Variants in CNTN4 observed in about 807,000 individuals in gnomAD.
CNTN4 encodes contactin 4.
Under a neutral mutation model 122.5 loss-of-function variants are expected in CNTN4, and 77 were observed. That is an observed-to-expected ratio of 0.63 (90% confidence interval 0.52 to 0.76). The LOEUF is 0.76. Among genes scored for constraint, CNTN4 ranks in the 30% least tolerant of loss-of-function variants. CNTN4 has a pLI of 0.00. For missense variants in CNTN4, 1,256 were observed against 1,259.1 expected, an observed-to-expected ratio of 1.00 and a Z score of 0.04; for synonymous variants, 512 against 447.0, an observed-to-expected ratio of 1.15 and a Z score of -1.83.
chr3:2,485,327 C>T (rs904619964), intron 3 of CNTN4, among the ~76,000 whole-genome samples: 7 of 152,246 alleles, frequency 4.6e-5, no homozygotes, highest in East Asian at 1.9e-4. Context: ...TGGCCAACTC[C>T]GCCTGTGGCC....
In CNTN4 at chr3:2,840,441, C is replaced by T. The variant is rs1332446842; in HGVS notation, c.454+20860C>T. Among the ~76,000 whole-genome samples, 5 of 151,498 alleles carry T rather than the reference C, an allele frequency of 3.3e-5. No individual in the cohort carries two copies. The South Asian group carries it at 8.4e-4, about 25-fold the overall frequency. Reference sequence around the variant, plus strand: ...CTGGGGCCGGCGCGGTGGCTCACGCCTGTCATCCCAGCACTTTGGGAGGCC... The same window carrying T: ...CTGGGGCCGGCGCGGTGGCTCACGCTTGTCATCCCAGCACTTTGGGAGGCC... On this transcript the variant is annotated intron_variant, in intron 7 of 24. Transcript: ENST00000418658.
chr3:2,623,948 T>C (rs1315626644), intron 4 of CNTN4, among the ~76,000 whole-genome samples: 3 of 152,178 alleles, frequency 2.0e-5, no homozygotes, highest in Admixed American at 6.5e-5. Flanking sequence ...TACTGAAATT[T>C]AGCTGTTTCT....
At chr3:2,910,001 C>T (rs1232793290) in intron 12 of CNTN4, among the ~76,000 whole-genome samples, 1 of 152,168 alleles carries the variant, frequency 6.6e-6, no homozygotes, top group East Asian at 1.9e-4. Context: ...GATCAAAAAG[C>T]ACTCTGAATC....
At chr3:2,293,263 G>A (rs757205378) in intron 2 of CNTN4, among the ~76,000 whole-genome samples, 3 of 152,118 alleles carry the variant, frequency 2.0e-5, no homozygotes, top group Non-Finnish European at 4.4e-5. Context: ...ATGGAAAAAC[G>A]GGAATATTAG....
chr3:2,385,560 G>C lies in CNTN4; in HGVS notation c.-89+46327G>C, dbSNP rs189047258. On this transcript the variant is annotated intron_variant, in intron 3 of 24. Transcript: ENST00000418658. This position sits in a 1 kb window ranked among gnomAD's most constrained non-coding sequence, Gnocchi z 4.0. The stretch of plus-strand genomic sequence containing the variant: ...GGCCAGAAGTCCAAAATCAGGTGTT[G>C]GTAGGGCTGTGCTCCGTCTGTAACC... 6.6e-6 allele frequency among the ~76,000 whole-genome samples: 1 copy of C among 152,040 alleles called. No homozygotes were observed. Among genetic ancestry groups the C allele is most frequent in the Non-Finnish European group, 1.5e-5 (1 of 68,020 alleles).
chr3:2,654,211 G>A (rs2083481677), intron 4 of CNTN4, among the ~76,000 whole-genome samples: 1 of 152,174 alleles, frequency 6.6e-6, no homozygotes. Flanking sequence ...TTGAAAAAAA[G>A]AGTTTTTTTG....
At chr3:2,636,416 A>G (rs1437638568) in intron 4 of CNTN4, among the ~76,000 whole-genome samples, 2 of 152,236 alleles carry the variant, frequency 1.3e-5, no homozygotes, top group African/African-American at 2.4e-5. Context: ...TAATCATTTT[A>G]TAGAAGTCAG....
intron 6 of CNTN4, among the ~76,000 whole-genome samples, chr3:2,771,434 C>T (rs1471801326): frequency 1.3e-5 from 2 of 152,202 alleles, no homozygotes; most frequent in South Asian, 2.1e-4. Context: ...GAATTACCCA[C>T]ACTATTTACA....
intron 4 of CNTN4, among the ~76,000 whole-genome samples, chr3:2,669,871 A>G (rs6442745): frequency 0.064 from 9,745 of 152,206 alleles, 497 homozygotes; most frequent in African/African-American, 0.14. Flanking sequence ...ATTCAGGAGC[A>G]GGTTGTTCAG....
At chr3:2,531,995 CTG>C (rs746473958) in intron 3 of CNTN4, among the ~76,000 whole-genome samples, 12 of 152,120 alleles carry the variant, frequency 7.9e-5, no homozygotes, top group Non-Finnish European at 1.3e-4. Flanking sequence ...GAATGAGAAA[CTG>C]TTGTGTTGCC....
rs144980595 is a variant in CNTN4 at position 2,565,026 on chromosome 3, C to G, written c.-88-6390C>G. ...GTGGAAAGTCTTTTAAAATGGGGAG[C>G]AACTGTGTACCTTAGCTGACCCTCC... On this transcript the variant is annotated intron_variant, in intron 3 of 24. Transcript: ENST00000418658. Among the ~76,000 whole-genome samples, 173 of 152,168 alleles carry G rather than the reference C, an allele frequency of 1.1e-3. 2 individuals carry two copies. The highest frequency in any genetic ancestry group is 4.1e-3 in the African/African-American group (169 of 41,536).
chr3:2,796,647 C>T (rs967711374), intron 6 of CNTN4, among the ~76,000 whole-genome samples: 7 of 152,146 alleles, frequency 4.6e-5, no homozygotes, highest in African/African-American at 1.4e-4. Flanking sequence ...ATACACATTA[C>T]CAGTTCACAT....
At chr3:2,911,009 T>G (rs1306111742) in intron 12 of CNTN4, among the ~76,000 whole-genome samples, 1 of 152,212 alleles carries the variant, frequency 6.6e-6, no homozygotes, top group African/African-American at 2.4e-5. Context: ...CCCCACAGCG[T>G]AGCACAGAGC....
chr3:2,535,655 C>G (rs1198975180), intron 3 of CNTN4, among the ~76,000 whole-genome samples: 1 of 152,048 alleles, frequency 6.6e-6, no homozygotes, highest in Non-Finnish European at 1.5e-5. Context: ...TTCCTAAGTG[C>G]TAAGAGGACC....
intron 3 of CNTN4, among the ~76,000 whole-genome samples, chr3:2,510,342 C>G (rs1052357860): frequency 2.1e-5 from 3 of 142,080 alleles, no homozygotes; most frequent in Non-Finnish European, 4.8e-5. Flanking sequence ...CTAAGACTCA[C>G]AAAGGTGTAG....
intron 10 of CNTN4, among the ~76,000 whole-genome samples, chr3:2,893,620 G>A (rs558469964): frequency 4.6e-5 from 7 of 152,078 alleles, no homozygotes; most frequent in Non-Finnish European, 7.4e-5. Context: ...ATTAATACAG[G>A]AGTGGAGGCA....
At chr3:2,591,079 A>C (rs375384517) in intron 4 of CNTN4, among the ~76,000 whole-genome samples, 2 of 152,152 alleles carry the variant, frequency 1.3e-5, no homozygotes, top group African/African-American at 2.4e-5. Context: ...AATATTTCTT[A>C]CAATTTATAA....
chr3:2,394,950 C>G (rs1022351973), intron 3 of CNTN4, among the ~76,000 whole-genome samples: 1 of 152,098 alleles, frequency 6.6e-6, no homozygotes, highest in East Asian at 1.9e-4. Context: ...CCACACCCAG[C>G]TAACTTTTGT....
chr3:2,309,048 G>A (rs1373165862), intron 2 of CNTN4, among the ~76,000 whole-genome samples: 3 of 152,044 alleles, frequency 2.0e-5, no homozygotes, highest in Non-Finnish European at 4.4e-5. Context: ...ACTATTTAAA[G>A]AAGGATTTTG....
Sources: allele counts gnomAD v4.1 joint callset (sites outside exome capture counted in the v4.1 genomes callset), GRCh38; gene constraint gnomAD v4.1.1; non-coding constraint Gnocchi (gnomAD v3.1); transcripts MANE v1.5; gene names NCBI Gene and HGNC (gene_info 2026-07-23, HGNC 2026-07-21).